The following NBPF14 variants were observed in gnomAD, a reference collection of about 807,000 sequenced individuals.
The protein encoded by NBPF14 is NBPF family member NBPF14.
In NBPF14, 104 loss-of-function variants were observed where a neutral mutation model predicts 91.2. That is an observed-to-expected ratio of 1.14 (90% CI 0.97 to 1.34). NBPF14 has a LOEUF of 1.34. Among genes scored for constraint, NBPF14 ranks in the 40% most tolerant of loss-of-function variants. NBPF14 has a pLI of 0.00. For missense variants in NBPF14, 908 were observed against 783.0 expected (o/e 1.16, Z -1.91); for synonymous variants, 294 against 303.8 (o/e 0.97, Z 0.34).
rs1418788276 is a variant in NBPF14, at chr1:148,594,055, G to A, written c.176-355C>T. ...CTAAAACACTGCACTGGGGCATGAA[G>A]TAGTGATTTCTTGTACAGTCGGGAA... On this transcript the variant is annotated intron_variant, in intron 2 of 70. Transcript: ENST00000619423. Among the ~76,000 whole-genome samples the A allele has an allele frequency of 2.7e-5, 4 of 148,330 alleles. No homozygotes were observed. In the East Asian group the frequency reaches 7.8e-4, roughly 29 times the overall value.
chr1:148,534,968 T>C, intron 68 of NBPF14, 112 bp from the exon 69 acceptor site: 1 of 736,730 alleles, frequency 1.4e-6, no homozygotes, highest in Non-Finnish European at 2.5e-6. Flanking sequence ...AAAGGACAGA[T>C]CCATTAATGA....
chr1:148,559,762 A>C (rs1657381754), intron 37 of NBPF14, 31 bp downstream of exon 37: 1 of 1,289,412 alleles, frequency 7.8e-7, no homozygotes, highest in Admixed American at 1.8e-5. Flanking sequence ...GACTCAGTGG[A>C]TCCTTATCAC....
chr1:148,534,911 G>A (rs1186508659), intron 68 of NBPF14, 55 bp from the exon 69 acceptor site: 18 of 722,944 alleles, frequency 2.5e-5, no homozygotes, highest in East Asian at 1.0e-4. Context: ...AAACCACACA[G>A]CCCCAGCTAG....
intron 34 of NBPF14, among the ~76,000 whole-genome samples, chr1:148,561,907 T>A (rs1327552686): frequency 8.0e-6 from 1 of 125,534 alleles, no homozygotes; most frequent in South Asian, 2.6e-4. Context: ...ACACTCTGAG[T>A]TAGTGCCCTC....
intron 22 of NBPF14, among the ~76,000 whole-genome samples, chr1:148,571,262 C>A (rs1488034283): frequency 6.0e-4 from 53 of 88,716 alleles, no homozygotes; most frequent in African/African-American, 3.6e-3. Context: ...CACACACACA[C>A]ACACACACAC....
At chr1:148,560,511 ACT>A (rs1570948732) in intron 36 of NBPF14, 71 bp downstream of exon 36, 118 of 235,674 alleles carry the variant, frequency 5.0e-4, no homozygotes, top group East Asian at 2.0e-3. Flanking sequence ...CATCAAACAC[ACT>A]CTGGTTTCCC....
chr1:148,554,801 G>T (rs1294276138), intron 43 of NBPF14, among the ~76,000 whole-genome samples: 1 of 147,320 alleles, frequency 6.8e-6, no homozygotes, highest in East Asian at 2.0e-4. Context: ...CAAAATCAGA[G>T]TTGTGTGAAT....
chr1:148,534,208 C>T (rs1203903316), intron 69 of NBPF14, among the ~76,000 whole-genome samples: 1 of 150,692 alleles, frequency 6.6e-6, no homozygotes, highest in Non-Finnish European at 1.5e-5. Context: ...TATCATTTGT[C>T]CCAAGTTTCT....
At chr1:148,592,636 C>T in exon 4 of NBPF14, 1 of 1,587,036 alleles carries the variant, frequency 6.3e-7, no homozygotes, top group East Asian at 2.2e-5. Context: ...TGGGACTTGT[C>T]CGGCTCATAC....
At position 148,587,174 on chromosome 1, in the gene NBPF14, C is replaced by T. The variant is rs1269686111; in HGVS notation, c.1091+127G>A. ...TTCTCTGATAAATATTTGTGTGTAG[C>T]GAGCCTGCCATGGCAATTCCTGCCC... On this transcript the variant is annotated intron_variant, in intron 8 of 70. Coordinates refer to ENST00000619423, the Ensembl canonical transcript of NBPF14. 9.2e-6 allele frequency: 7 copies of T among 764,180 alleles called. 1 individual carries two copies. Among genetic ancestry groups the T allele is most frequent in the African/African-American group, 1.7e-5 (1 of 57,480 alleles). The allele number at this position is 764,180 out of a possible 1,614,324, so 47.3% of individuals were successfully genotyped here. A position where few individuals can be genotyped will look rare whatever the true frequency, so the allele number is the denominator to read the frequency against.
Position 148,576,848 on chromosome 1 carries a change from G to A in NBPF14, c.2026+335C>T, listed in dbSNP as rs1378285068. On this transcript the variant is annotated intron_variant, in intron 15 of 70. Coordinates refer to ENST00000619423, the Ensembl canonical transcript of NBPF14. Reference sequence around the variant, plus strand: ...CATGGTAGCGAGGATTTCAGACGCTGAAATTAGAGTGAAGGATGAAATCTA... The same window carrying A: ...CATGGTAGCGAGGATTTCAGACGCTAAAATTAGAGTGAAGGATGAAATCTA... 2.0e-5 allele frequency among the ~76,000 whole-genome samples: 3 copies of A among 148,530 alleles called. No individual in the cohort carries two copies. The East Asian group carries it at 5.9e-4, about 29-fold the overall frequency.
At position 148,592,725 on chromosome 1, in the gene NBPF14, G is replaced by C. The variant is rs1225209400; in HGVS notation, c.320C>G (p.Thr107Ser). The change falls in exon 4 of 71, where the codon ACC becomes AGC. Residue 107 changes from threonine to serine, a missense_variant. By Grantham distance (58) the Thr-to-Ser change is moderately conservative. Around this residue, in one of 13 missense-constraint regions of NBPF14, gnomAD observed 61 missense variants for 56.4 expected, o/e 1.08. Coordinates refer to ENST00000619423, the Ensembl canonical transcript of NBPF14. ...TTCCCGTAACTTCTCCCTTAGCTGG[G>C]TCAGCTCTCGTTCCTGAGAGTGAAC... 152 of 1,585,884 alleles carry C rather than the reference G, an allele frequency of 9.6e-5. 3 individuals are homozygous for C. The African/African-American group carries it at 1.9e-3, about 20-fold the overall frequency.
intron 36 of NBPF14, among the ~76,000 whole-genome samples, chr1:148,560,240 G>T (rs1287337150): frequency 6.7e-6 from 1 of 149,250 alleles, no homozygotes; most frequent in African/African-American, 2.5e-5. Flanking sequence ...TACTGGTAAG[G>T]GAGTCAAAGG....
Position 148,572,549 on chromosome 1 carries a change from A to C in NBPF14, c.2652T>G (p.Tyr884Ter). 1.5e-6 allele frequency: 1 copy of C among 657,858 alleles called. No individual in the cohort carries two copies. 40.8% of individuals were successfully genotyped at this position (657,858 alleles called of 1,614,324 possible). Residue 884 changes from tyrosine (Y) to a stop codon, truncating the protein, a stop_gained, in exon 21 of 71, where the codon TAT (tyrosine) becomes TAG (stop). Coordinates refer to ENST00000619423, the Ensembl canonical transcript of NBPF14. LOFTEE classifies it high-confidence loss of function. ...GTTCAAGATAACCTGAAGGAGTCGAATAACATCTATCCAGTGAGTCCTGCA... is the reference window on the plus strand; with the variant it reads ...GTTCAAGATAACCTGAAGGAGTCGACTAACATCTATCCAGTGAGTCCTGCA...
At chr1:148,532,419 T>C (rs1264661161) in exon 71 of NBPF14, 2 of 160,810 alleles carry the variant, frequency 1.2e-5, no homozygotes, top group African/African-American at 4.9e-5. Context: ...CTAGCTGTGG[T>C]CTTCCTAAGT....
chr1:148,587,351 C>A, exon 8 of NBPF14: 2 of 1,583,576 alleles, frequency 1.3e-6, no homozygotes, highest in Non-Finnish European at 8.6e-7. Context: ...CCTCCTTGAA[C>A]TGTCGCTCAT....
At position 148,587,457 on chromosome 1, in the gene NBPF14, G is replaced by T. The variant is rs1661733160; in HGVS notation, c.989-54C>A. 62 of 1,513,756 alleles carry T rather than the reference G, an allele frequency of 4.1e-5. 9 individuals are homozygous for T. The South Asian group carries it at 6.8e-4, about 17-fold the overall frequency. The allele number at this position is 1,513,756 out of a possible 1,614,324, so 93.8% of individuals were successfully genotyped here. Reference sequence around the variant, plus strand: ...GTGGAAGGCTGGACATGCTGCTGTGGTCATTGCCTACAGGACAGGAGCCAG... The same window carrying T: ...GTGGAAGGCTGGACATGCTGCTGTGTTCATTGCCTACAGGACAGGAGCCAG... On this transcript the variant is annotated intron_variant, in intron 7 of 70. Coordinates refer to ENST00000619423, the Ensembl canonical transcript of NBPF14.
chr1:148,560,193 C>T (rs1432550375), intron 36 of NBPF14, among the ~76,000 whole-genome samples: 3 of 151,176 alleles, frequency 2.0e-5, no homozygotes, highest in Non-Finnish European at 4.4e-5. Flanking sequence ...GAGACAGAGA[C>T]AGAGAGAAAG....
rs1319429245 is a variant in NBPF14, at chr1:148,593,412, A to C, written c.278+186T>G. Among the ~76,000 whole-genome samples, 5 of 148,422 alleles carry C rather than the reference A, an allele frequency of 3.4e-5. 1 individual carries two copies. The highest frequency in any genetic ancestry group is 7.5e-5 in the Non-Finnish European group (5 of 66,368). On this transcript the variant is annotated intron_variant, in intron 3 of 70. Transcript: ENST00000619423. ...AAAAAGAGAAAACAAGGCTCTAAGA[A>C]ACAACTGCAACAGAGAACTTATTAT... is the stretch of plus-strand genomic sequence containing the variant.
Sources: gnomAD v4.1 joint callset for allele counts (sites outside exome capture counted in the v4.1 genomes callset) on GRCh38, gnomAD v4.1.1 for gene constraint, gnomAD v4.1.1 regional missense constraint, MANE v1.5 for transcripts, NCBI Gene and HGNC (gene_info 2026-07-23, HGNC 2026-07-21) for gene names.